Variants in ASAP1 observed in about 807,000 individuals in gnomAD.
The protein encoded by ASAP1 is ArfGAP with SH3 domain, ankyrin repeat and PH domain 1, also known as arf-GAP with SH3 domain, ANK repeat and PH domain-containing protein 1.
Under a neutral mutation model 145.2 loss-of-function variants are expected in ASAP1, and 43 were observed. That is an observed-to-expected ratio of 0.30 (90% CI 0.23 to 0.38). The LOEUF (loss-of-function observed/expected upper bound fraction) is 0.38. Ranked by LOEUF, ASAP1 falls within the 10% of genes least tolerant of loss-of-function variation. The pLI, the probability that ASAP1 is intolerant of heterozygous loss-of-function variation, is 1.00. For synonymous variants in ASAP1, 546 were observed against 515.5 expected, an observed-to-expected ratio of 1.06 and a Z score of -0.80; for missense variants, 1,018 against 1,355.3, an observed-to-expected ratio of 0.75 and a Z score of 3.91.
At chr8:130,196,748 T>C (rs993388592) in intron 5 of ASAP1, among the ~76,000 whole-genome samples, 15 of 152,258 alleles carry the variant, frequency 9.9e-5, no homozygotes, top group African/African-American at 3.4e-4. Flanking sequence ...CTAATGCAAA[T>C]CTGCTGACTT....
At chr8:130,181,390 T>C (rs1814346920) in intron 7 of ASAP1, among the ~76,000 whole-genome samples, 1 of 152,212 alleles carries the variant, frequency 6.6e-6, no homozygotes, top group South Asian at 2.1e-4. Flanking sequence ...TAAAGCACTT[T>C]ATAATAAAAA....
Position 130,058,102 on chromosome 8 carries a change from T to C in ASAP1, c.3193-26A>G, listed in dbSNP as rs76278922. ...CTTAAAGAAAGAAACTGGGTTTTAATTGAAAGAATGGACTGAATGGAAAAA... is the reference window on the plus strand; with the variant it reads ...CTTAAAGAAAGAAACTGGGTTTTAACTGAAAGAATGGACTGAATGGAAAAA... On this transcript the variant is annotated intron_variant, in intron 28 of 29. Transcript: ENST00000518721. 0.025 allele frequency: 40,422 copies of C among 1,609,778 alleles called. 602 individuals are homozygous for C. Among genetic ancestry groups the C allele is most frequent in the African/African-American group, 0.045 (3,391 of 74,950 alleles).
chr8:130,182,184 C>T (rs565087264), intron 7 of ASAP1, among the ~76,000 whole-genome samples: 1 of 152,342 alleles, frequency 6.6e-6, no homozygotes, highest in South Asian at 2.1e-4. Flanking sequence ...ACAGGCATAA[C>T]TTAATAATAA....
intron 3 of ASAP1, among the ~76,000 whole-genome samples, chr8:130,237,234 A>G (rs1471663918): frequency 6.6e-6 from 1 of 152,154 alleles, no homozygotes; most frequent in African/African-American, 2.4e-5. Context: ...CATTTTAGTC[A>G]GTCAATTATC....
At chr8:130,439,270 G>C (rs1219062683) in intron 1 of ASAP1, among the ~76,000 whole-genome samples, 1 of 152,164 alleles carries the variant, frequency 6.6e-6, no homozygotes, top group Non-Finnish European at 1.5e-5. Context: ...GCGCTGCCAG[G>C]AGTAACATCC....
intron 18 of ASAP1, 116 bp from the exon 19 acceptor site, chr8:130,118,791 C>T: frequency 1.4e-6 from 1 of 723,892 alleles, no homozygotes; most frequent in South Asian, 3.7e-5. Flanking sequence ...CTTCTTTTCA[C>T]CATTCAAATA....
intron 3 of ASAP1, among the ~76,000 whole-genome samples, chr8:130,316,302 T>C (rs983071736): frequency 3.3e-5 from 5 of 152,336 alleles, no homozygotes; most frequent in Non-Finnish European, 7.3e-5. Context: ...CTCAGCAGTT[T>C]TGGTATCCAT....
intron 5 of ASAP1, among the ~76,000 whole-genome samples, chr8:130,194,792 G>C (rs1300014391): frequency 6.6e-6 from 1 of 152,050 alleles, no homozygotes; most frequent in Non-Finnish European, 1.5e-5. Context: ...GAGCTCAGGA[G>C]GTAATGCTTG....
intron 9 of ASAP1, among the ~76,000 whole-genome samples, chr8:130,169,472 G>C (rs191516420): frequency 5.3e-5 from 8 of 152,298 alleles, no homozygotes; most frequent in African/African-American, 1.2e-4. Flanking sequence ...GGTTGATCTG[G>C]ACACTATAAA....
At chr8:130,263,040 C>T (rs565398362) in intron 3 of ASAP1, among the ~76,000 whole-genome samples, 1 of 152,144 alleles carries the variant, frequency 6.6e-6, no homozygotes, top group Admixed American at 6.6e-5. Flanking sequence ...AGATCCATCC[C>T]CAGAAATACC....
chr8:130,088,922 A>G (rs745788282), intron 25 of ASAP1, among the ~76,000 whole-genome samples: 5 of 152,238 alleles, frequency 3.3e-5, no homozygotes, highest in Admixed American at 6.5e-5. Context: ...TGAACATTTC[A>G]AAGATACTTG....
intron 4 of ASAP1, among the ~76,000 whole-genome samples, chr8:130,218,686 A>G (rs1316069301): frequency 2.0e-5 from 3 of 152,046 alleles, no homozygotes; most frequent in Non-Finnish European, 4.4e-5. Context: ...ACAATCTCAT[A>G]TTTCACCCCC....
intron 3 of ASAP1, among the ~76,000 whole-genome samples, chr8:130,338,616 T>G (rs1825185894): frequency 6.6e-6 from 1 of 152,310 alleles, no homozygotes; most frequent in African/African-American, 2.4e-5. Flanking sequence ...ATTTCTTTTA[T>G]TAACAGCAGG....
intron 3 of ASAP1, among the ~76,000 whole-genome samples, chr8:130,292,714 T>C (rs1822021060): frequency 6.6e-6 from 1 of 152,102 alleles, no homozygotes; most frequent in South Asian, 2.1e-4. Flanking sequence ...GTGGAAAATT[T>C]AGATGGTGAA....
At chr8:130,120,094 A>G (rs1048092950) in intron 18 of ASAP1, among the ~76,000 whole-genome samples, 1 of 152,144 alleles carries the variant, frequency 6.6e-6, no homozygotes, top group Non-Finnish European at 1.5e-5. Flanking sequence ...TCTTTTCTCA[A>G]CCCTGTGCAG....
chr8:130,374,034 T>TAAAAAAA (rs34199624), intron 2 of ASAP1, among the ~76,000 whole-genome samples: 2 of 94,402 alleles, frequency 2.1e-5, no homozygotes, highest in African/African-American at 4.3e-5. Context: ...TAACTCCCTT[T>TAAAAAAA]AAAAAAAAAA....
At chr8:130,441,000 AG>A (rs1830470542) in intron 1 of ASAP1, among the ~76,000 whole-genome samples, 1 of 152,218 alleles carries the variant, frequency 6.6e-6, no homozygotes, top group African/African-American at 2.4e-5. Flanking sequence ...GGGCAGTGCC[AG>A]GTCTATTTCG....
intron 3 of ASAP1, among the ~76,000 whole-genome samples, chr8:130,294,337 G>C (rs756485592): frequency 4.9e-4 from 75 of 152,222 alleles, no homozygotes; most frequent in Admixed American, 9.2e-4. Flanking sequence ...AGGTGACACT[G>C]ATTTCCCCTG....
chr8:130,196,955 A>C (rs1815534122), intron 5 of ASAP1, among the ~76,000 whole-genome samples: 1 of 152,226 alleles, frequency 6.6e-6, no homozygotes, highest in Non-Finnish European at 1.5e-5. Flanking sequence ...AATAAAAATA[A>C]AACTGATGCC....
Sources: gnomAD v4.1 joint callset for allele counts (sites outside exome capture counted in the v4.1 genomes callset) on GRCh38, gnomAD v4.1.1 for gene constraint, MANE v1.5 for transcripts, NCBI Gene and HGNC (gene_info 2026-07-23, HGNC 2026-07-21) for gene names.